The following GPHN variants were observed in gnomAD, a reference collection of about 807,000 sequenced individuals.
The protein encoded by GPHN is gephyrin.
Under a neutral mutation model 95.5 loss-of-function variants are expected in GPHN, and 17 were observed. That is an observed-to-expected ratio of 0.18 (90% CI 0.12 to 0.27). GPHN has a LOEUF of 0.27. GPHN is among the 10% of genes least tolerant of loss of function. GPHN has a pLI of 1.00. For missense variants in GPHN, 660 were observed against 978.1 expected, an observed-to-expected ratio of 0.67 and a Z score of 4.34; for synonymous variants, 320 against 322.5, an observed-to-expected ratio of 0.99 and a Z score of 0.08.
intron 8 of GPHN, among the ~76,000 whole-genome samples, chr14:66,938,494 A>T (rs997434691): frequency 6.6e-6 from 1 of 152,144 alleles, no homozygotes; most frequent in South Asian, 2.1e-4. Context: ...ATTAATTATT[A>T]TTCAAATAAG....
chr14:67,663,336 TTAAA>T, the GPHN span: 4 of 624,662 alleles, frequency 6.4e-6, no homozygotes, highest in Non-Finnish European at 8.0e-6. Context: ...TAACATTGTT[TTAAA>T]TAAATGTATT....
chr14:67,584,092 CCTTT>C, the GPHN span: 7 of 1,613,792 alleles, frequency 4.3e-6, no homozygotes, highest in Non-Finnish European at 5.1e-6. Flanking sequence ...CAGGAAATGG[CCTTT>C]CTTTGGTGCT....
intron 20 of GPHN, 125 bp downstream of exon 20, chr14:67,165,351 G>A (rs754864315): frequency 3.6e-5 from 25 of 695,490 alleles, no homozygotes; most frequent in South Asian, 1.3e-4. Context: ...TTTTCTAAAC[G>A]ACCAATCACT....
intron 2 of GPHN, among the ~76,000 whole-genome samples, chr14:66,710,743 T>G (rs1355207513): frequency 6.6e-6 from 1 of 152,160 alleles, no homozygotes; most frequent in Non-Finnish European, 1.5e-5. Flanking sequence ...ATATTAGGTT[T>G]TCCACTAAAT....
At chr14:67,411,876 A>G in the GPHN span, 1 of 720,678 alleles carries the variant, frequency 1.4e-6, no homozygotes, top group Non-Finnish European at 2.1e-6. Flanking sequence ...CATCAGGGCC[A>G]CAGGCGGCCC....
intron 21 of GPHN, among the ~76,000 whole-genome samples, chr14:67,176,559 A>C (rs534161560): frequency 9.9e-4 from 150 of 152,238 alleles, no homozygotes; most frequent in Non-Finnish European, 1.7e-3. Context: ...TGTCTCTGCC[A>C]GGCTTTGGTA....
At chr14:66,992,528 A>G (rs1483105477) in intron 9 of GPHN, among the ~76,000 whole-genome samples, 2 of 152,188 alleles carry the variant, frequency 1.3e-5, no homozygotes, top group Non-Finnish European at 2.9e-5. Context: ...ATGGGATAGT[A>G]TGAAATAGTG....
chr14:66,586,036 A>C (rs1246608456), intron 1 of GPHN, among the ~76,000 whole-genome samples: 2 of 152,144 alleles, frequency 1.3e-5, no homozygotes, highest in Non-Finnish European at 1.5e-5. Flanking sequence ...GTCTCTTTGT[A>C]GGTCACTAAG....
At chr14:67,252,500 T>C in the GPHN span, among the ~76,000 whole-genome samples, 1 of 152,086 alleles carries the variant, frequency 6.6e-6, no homozygotes, top group Non-Finnish European at 1.5e-5. Context: ...GAACCCCTGA[T>C]GAATAGCTGG....
the GPHN span, among the ~76,000 whole-genome samples, chr14:67,283,366 G>C: frequency 6.6e-6 from 1 of 152,094 alleles, no homozygotes; most frequent in African/African-American, 2.4e-5. Context: ...GCATTTAACT[G>C]ACTTTTGATT....
chr14:66,893,320 G>A (rs2064628870), intron 5 of GPHN, among the ~76,000 whole-genome samples: 2 of 152,122 alleles, frequency 1.3e-5, no homozygotes, highest in South Asian at 2.1e-4. Flanking sequence ...TCGGACAGTG[G>A]GGGCAGGACA....
intron 1 of GPHN, among the ~76,000 whole-genome samples, chr14:66,667,767 C>T (rs527548660): frequency 1.3e-5 from 2 of 152,248 alleles, no homozygotes; most frequent in South Asian, 2.1e-4. Context: ...ACAAAAGTGT[C>T]GAAAGCAATT....
chr14:67,592,722 T>C, the GPHN span: 1 of 1,561,980 alleles, frequency 6.4e-7, no homozygotes. Context: ...CCTTCTGCTG[T>C]AAGAAAATAA....
chr14:67,411,939 G>T, the GPHN span: 1 of 1,300,290 alleles, frequency 7.7e-7, no homozygotes, highest in South Asian at 1.3e-5. Context: ...GTTCCGGGGC[G>T]CGCGTCTGGC....
At chr14:66,681,269 C>T in intron 2 of GPHN, 84 bp downstream of exon 2, 3 of 890,550 alleles carry the variant, frequency 3.4e-6, no homozygotes, top group Non-Finnish European at 5.4e-6. Flanking sequence ...TATGTGAAAA[C>T]TTATTTAAGG....
intron 1 of GPHN, among the ~76,000 whole-genome samples, chr14:66,587,501 G>C (rs1419134566): frequency 2.0e-5 from 3 of 152,106 alleles, no homozygotes; most frequent in Non-Finnish European, 2.9e-5. Flanking sequence ...ATTAAATTCA[G>C]TAACACATTA....
the GPHN span, among the ~76,000 whole-genome samples, chr14:67,249,635 TA>T: frequency 6.6e-6 from 1 of 152,234 alleles, no homozygotes; most frequent in African/African-American, 2.4e-5. Flanking sequence ...TGTCTATAGT[TA>T]TCTTTTGAGT....
intron 2 of GPHN, among the ~76,000 whole-genome samples, chr14:66,711,212 C>G (rs1219144636): frequency 1.3e-5 from 2 of 152,144 alleles, no homozygotes; most frequent in African/African-American, 2.4e-5. Flanking sequence ...ACTCCCAAGT[C>G]ATTAAAGTCT....
chr14:67,003,216 T>G (rs1477197102), intron 9 of GPHN, among the ~76,000 whole-genome samples: 3 of 151,668 alleles, frequency 2.0e-5, no homozygotes, highest in African/African-American at 7.2e-5. Flanking sequence ...TGTCCTTGTA[T>G]TCTATTATAT....
Sources: gnomAD v4.1 joint callset for allele counts (sites outside exome capture counted in the v4.1 genomes callset) on GRCh38, gnomAD v4.1.1 for gene constraint, MANE v1.5 for transcripts, NCBI Gene and HGNC (gene_info 2026-07-23, HGNC 2026-07-21) for gene names.